The following GPR143 variants were observed in gnomAD, a reference collection of about 807,000 sequenced individuals.
GPR143 encodes G protein-coupled receptor 143.
GPR143 carries 8 observed loss-of-function variants against 27.6 expected under a neutral mutation model. The ratio of observed to expected loss-of-function variants is 0.29; its 90% CI spans 0.17 to 0.52. The LOEUF is 0.52. Among genes scored for constraint, GPR143 ranks in the 20% least tolerant of loss-of-function variants. GPR143 has a pLI of 0.96. For synonymous variants in GPR143, 156 were observed against 153.2 expected (o/e 1.02, Z -0.13); for missense variants, 303 against 343.1 (o/e 0.88, Z 0.92).
chrX:9,762,022 G>C (rs1295707706), intron 1 of GPR143, among the ~76,000 whole-genome samples: 1 of 111,970 alleles, frequency 8.9e-6, no homozygotes, highest in African/African-American at 3.2e-5. Context: ...GGAAGGCGGA[G>C]GTTGCAGTGA....
intron 8 of GPR143, chrX:9,738,652 T>TGAAGCCCCG: frequency 1.3e-5 from 3 of 233,919 alleles, no homozygotes; most frequent in African/African-American, 3.0e-5. Flanking sequence ...TAGACGGGGC[T>TGAAGCCCCG]TCACTCTTGT....
Position 9,746,036 on chromosome X carries a change from G to A in GPR143, c.658+8C>T. On this transcript the variant is annotated splice_region_variant and intron_variant, in intron 5 of 8. Transcript: ENST00000467482. ...GCCGTGTACCCAGAGAGCTTCCCTA[G>A]TATTTACCTGCAGTCACTGTCTTTT... is the stretch of plus-strand genomic sequence containing the variant. 9.0e-7 allele frequency: 1 copy of A among 1,106,437 alleles called. No homozygotes were observed. The highest frequency in any genetic ancestry group is 1.8e-5 in the South Asian group (1 of 54,757). The allele number at this position is 1,106,437 out of a possible 1,213,427, so 91.2% of individuals were successfully genotyped here. A position where few individuals can be genotyped will look rare whatever the true frequency, so the allele number is the denominator to read the frequency against.
chrX:9,739,266 G>A (rs1408596314), intron 8 of GPR143, among the ~76,000 whole-genome samples: 1 of 111,876 alleles, frequency 8.9e-6, no homozygotes, highest in Non-Finnish European at 1.9e-5. Context: ...TGAACTGGGG[G>A]CCACTGTGGC....
chrX:9,738,789 A>G (rs1229099767), intron 8 of GPR143, among the ~76,000 whole-genome samples: 1 of 111,363 alleles, frequency 9.0e-6, no homozygotes, highest in Non-Finnish European at 1.9e-5. Flanking sequence ...CATGCCGGCT[A>G]ATTTTGTATT....
At chrX:9,760,565 T>G (rs932580195) in intron 2 of GPR143, 152 bp downstream of exon 2, 19 of 454,086 alleles carry the variant, frequency 4.2e-5, no homozygotes, top group Non-Finnish European at 4.0e-6. Context: ...CCCTGGAGGG[T>G]TTTGTTAAAA....
Position 9,765,684 on chromosome X carries a change from A to G in GPR143, c.134T>C (p.Leu45Pro), listed in dbSNP as rs949566161. 26 of 1,060,348 alleles carry G rather than the reference A, an allele frequency of 2.5e-5. No homozygotes were observed. The Admixed American group carries it at 6.0e-4, about 25-fold the overall frequency. The allele number at this position is 1,060,348 out of a possible 1,213,427, so 87.4% of individuals were successfully genotyped here. The change falls in exon 1 of 9, where the codon CTT becomes CCT. Residue 45 changes from leucine to proline, a missense_variant. Physicochemically the swap from Leu to Pro is moderately conservative, Grantham distance 98. Coordinates refer to ENST00000467482, the MANE Select transcript of GPR143 (RefSeq NM_000273.3). ...GSGGLRLALG[L>P]LQLLPGRRPA... is the part of the protein sequence containing the mutation. ...CCGGCGGCCGGGCAGCAGCTGCAGA[A>G]GGCCCAGCGCCAAGCGGAGCCCGCC...
In GPR143 at chrX:9,759,312, C is replaced by T. The variant is rs181078528; in HGVS notation, c.455+20G>A. ...TCTAAAATAGAACTAGGGCAGAAAT[C>T]CCATTTCCTCGGTGAATACCTCAGT... On this transcript the variant is annotated intron_variant, in intron 3 of 8. Transcript: ENST00000467482. 107 of 1,035,970 alleles carry T rather than the reference C, an allele frequency of 1.0e-4. No homozygotes were observed. The East Asian group carries it at 3.0e-3, about 29-fold the overall frequency. The allele number at this position is 1,035,970 out of a possible 1,213,427, so 85.4% of individuals were successfully genotyped here.
upstream of GPR143, chrX:9,766,068 G>C (rs1007282481): frequency 1.8e-4 from 47 of 255,562 alleles, no homozygotes; most frequent in Non-Finnish European, 3.0e-4. Context: ...GAGAGGAAGA[G>C]GGAGGAGGAG....
rs757644758 is a variant in GPR143 at position 9,755,724 on chromosome X, G to A, written c.455+3608C>T. On this transcript the variant is annotated intron_variant, in intron 3 of 8. Transcript: ENST00000467482. ...GTCACACGATAGGATAGTGACGCAG[G>A]AAAATCAAAGGAACCTGGGTCCCTG... Among the ~76,000 whole-genome samples, 3 of 111,728 alleles carry A rather than the reference G, an allele frequency of 2.7e-5. No homozygotes were observed. The South Asian group carries it at 1.1e-3, about 42-fold the overall frequency.
intron 8 of GPR143, among the ~76,000 whole-genome samples, chrX:9,735,169 G>T (rs1307560063): frequency 8.9e-6 from 1 of 112,309 alleles, no homozygotes; most frequent in Non-Finnish European, 1.9e-5. Flanking sequence ...GATGCATTAC[G>T]TGTTTTCTTC....
intron 3 of GPR143, among the ~76,000 whole-genome samples, chrX:9,751,028 A>G (rs1049681105): frequency 6.2e-5 from 7 of 112,593 alleles, no homozygotes; most frequent in African/African-American, 1.6e-4. Context: ...TCTGAGGCTC[A>G]ACAGGTTTGA....
rs186947261 is a variant in GPR143, at chrX:9,753,853, G to T, written c.456-5187C>A. 5.4e-5 allele frequency among the ~76,000 whole-genome samples: 6 copies of T among 111,961 alleles called. No individual in the cohort carries two copies. The East Asian group carries it at 1.7e-3, about 32-fold the overall frequency. The stretch of plus-strand genomic sequence containing the variant: ...AGCAGCTACTACATGCTTCCCGAGA[G>T]GAGAGCGGGGGACTTGCCTTTCGCC... On this transcript the variant is annotated intron_variant, in intron 3 of 8. Coordinates refer to ENST00000467482, the MANE Select transcript of GPR143 (RefSeq NM_000273.3).
At chrX:9,753,336 C>T (rs1177104234) in intron 3 of GPR143, among the ~76,000 whole-genome samples, 2 of 102,171 alleles carry the variant, frequency 2.0e-5, no homozygotes, top group Non-Finnish European at 3.9e-5. Flanking sequence ...CCAGCCTGGG[C>T]GACAGAGCAA....
At chrX:9,750,650 A>G (rs5979171) in intron 3 of GPR143, among the ~76,000 whole-genome samples, 14,064 of 108,764 alleles carry the variant, frequency 0.13, 2,213 homozygotes, top group African/African-American at 0.44. Context: ...TGCAACCTCC[A>G]CCTCCCGGGT....
chrX:9,740,844 G>T (rs1015132198), intron 7 of GPR143: 5 of 289,761 alleles, frequency 1.7e-5, no homozygotes, highest in Non-Finnish European at 3.0e-5. Flanking sequence ...CATCTGTGTG[G>T]CTTTTTCATG....
At chrX:9,741,016 C>T (rs2083401279) in intron 7 of GPR143, 1 of 278,946 alleles carries the variant, frequency 3.6e-6, no homozygotes, top group African/African-American at 2.8e-5. Context: ...GCCTATTTTG[C>T]TCATCCTGTA....
intron 6 of GPR143, among the ~76,000 whole-genome samples, chrX:9,742,300 G>A (rs1468694164): frequency 9.0e-6 from 1 of 111,246 alleles, no homozygotes; most frequent in Non-Finnish European, 1.9e-5. Context: ...ACAAGGTCTC[G>A]CTCTGTCACA....
At chrX:9,750,397 A>C (rs1226572678) in intron 3 of GPR143, among the ~76,000 whole-genome samples, 1 of 104,271 alleles carries the variant, frequency 9.6e-6, no homozygotes, top group African/African-American at 3.6e-5. Context: ...TTTTGTAGAG[A>C]TGGGTCTTAC....
At chrX:9,728,464 T>G (rs1484467331) in intron 8 of GPR143, among the ~76,000 whole-genome samples, 2 of 103,738 alleles carry the variant, frequency 1.9e-5, no homozygotes, top group Non-Finnish European at 3.9e-5. Flanking sequence ...TCAGGAGAGA[T>G]GTACTTGGAA....
Sources: allele counts gnomAD v4.1 joint callset (sites outside exome capture counted in the v4.1 genomes callset), GRCh38; gene constraint gnomAD v4.1.1; transcripts MANE v1.5; gene names NCBI Gene and HGNC (gene_info 2026-07-23, HGNC 2026-07-21).